Variants in KALRN observed in about 807,000 individuals in gnomAD.
The protein encoded by KALRN is kalirin RhoGEF kinase, also known as kalirin.
A neutral mutation model predicts 353.7 loss-of-function variants in KALRN; 70 were observed. The ratio of observed to expected loss-of-function variants is 0.20; its 90% CI spans 0.16 to 0.24. The LOEUF is 0.24. KALRN is among the 10% of genes least tolerant of loss of function. KALRN has a pLI of 1.00. For missense variants in KALRN, 2,791 were observed against 3,756.7 expected (o/e 0.74, Z 6.72); for synonymous variants, 1,391 against 1,434.8 (o/e 0.97, Z 0.69).
At chr3:124,309,261 A>G (rs938524097) in intron 6 of KALRN, among the ~76,000 whole-genome samples, 2 of 152,122 alleles carry the variant, frequency 1.3e-5, no homozygotes, top group African/African-American at 4.8e-5. Flanking sequence ...TTAAAAAAAA[A>G]AAGATGAGGG....
intron 12 of KALRN, among the ~76,000 whole-genome samples, chr3:124,396,784 C>T (rs1323136374): frequency 6.6e-6 from 1 of 152,208 alleles, no homozygotes; most frequent in African/African-American, 2.4e-5. Flanking sequence ...GTGGGTGATG[C>T]CTGCTCTGCA....
At chr3:124,474,551 G>A in intron 25 of KALRN, 112 bp from the exon 26 acceptor site, 2 of 802,342 alleles carry the variant, frequency 2.5e-6, no homozygotes, top group South Asian at 1.5e-5. Flanking sequence ...TTAGACAGTA[G>A]AGAAGCCATG....
chr3:124,078,481 G>A (rs894577750), intron 1 of KALRN, among the ~76,000 whole-genome samples: 1 of 152,128 alleles, frequency 6.6e-6, no homozygotes, highest in Non-Finnish European at 1.5e-5. Flanking sequence ...CGTGTAATGG[G>A]GAAACAGGCT....
chr3:124,156,365 A>G (rs1284230047), intron 1 of KALRN, among the ~76,000 whole-genome samples: 5 of 152,212 alleles, frequency 3.3e-5, no homozygotes, highest in Non-Finnish European at 7.3e-5. Context: ...CTCAACATCT[A>G]TTCCCAGTCC....
At chr3:124,579,481 C>T (rs1056797632) in intron 34 of KALRN, among the ~76,000 whole-genome samples, 3 of 152,080 alleles carry the variant, frequency 2.0e-5, no homozygotes, top group African/African-American at 7.2e-5. Context: ...GAGCTTTTAG[C>T]CTGAACTTTG....
At chr3:124,466,677 A>G (rs1475495600) in intron 25 of KALRN, among the ~76,000 whole-genome samples, 1 of 152,172 alleles carries the variant, frequency 6.6e-6, no homozygotes, top group Admixed American at 6.5e-5. Flanking sequence ...CATCAAGTAC[A>G]ACCCTCTCCA....
chr3:124,132,127 T>C (rs182602927), intron 1 of KALRN, among the ~76,000 whole-genome samples: 33 of 152,336 alleles, frequency 2.2e-4, no homozygotes, highest in Non-Finnish European at 1.9e-4. Flanking sequence ...ATATCCATTA[T>C]TCTGGAATAT....
chr3:124,311,250 A>G (rs1005645909), intron 6 of KALRN, among the ~76,000 whole-genome samples: 7 of 151,808 alleles, frequency 4.6e-5, no homozygotes, highest in African/African-American at 1.7e-4. Context: ...ACTGGAGGTC[A>G]GGAGTTCGAG....
At chr3:124,089,672 A>G (rs1369116879) in intron 1 of KALRN, among the ~76,000 whole-genome samples, 1 of 151,856 alleles carries the variant, frequency 6.6e-6, no homozygotes, top group Non-Finnish European at 1.5e-5. Context: ...TTCCTTTGCA[A>G]TGTAGGTGCC....
At chr3:124,387,183 C>T (rs1366047233) in intron 11 of KALRN, among the ~76,000 whole-genome samples, 1 of 152,276 alleles carries the variant, frequency 6.6e-6, no homozygotes, top group East Asian at 1.9e-4. Flanking sequence ...CAGGAATAGT[C>T]AGGAAGTTAT....
chr3:124,657,019 T>C (rs971231688), intron 39 of KALRN, among the ~76,000 whole-genome samples: 1 of 152,208 alleles, frequency 6.6e-6, no homozygotes, highest in African/African-American at 2.4e-5. Context: ...ATGGGGATAA[T>C]GCTACCTGTC....
intron 33 of KALRN, among the ~76,000 whole-genome samples, chr3:124,515,057 T>A (rs927525162): frequency 6.6e-6 from 1 of 152,264 alleles, no homozygotes; most frequent in African/African-American, 2.4e-5. Context: ...CGACTGAAGA[T>A]GCATTTGAAA....
intron 33 of KALRN, among the ~76,000 whole-genome samples, chr3:124,543,187 T>TC (rs749472333): frequency 2.0e-5 from 3 of 151,990 alleles, no homozygotes; most frequent in Non-Finnish European, 4.4e-5. Context: ...CATCAACACT[T>TC]CCGTCATATT....
chr3:124,702,145 T>C lies in KALRN; in HGVS notation c.8075+29T>C, dbSNP rs758323234. 5.0e-6 allele frequency: 7 copies of C among 1,401,642 alleles called. No individual in the cohort carries two copies. The South Asian group carries it at 8.1e-5, about 16-fold the overall frequency. 86.8% of individuals were successfully genotyped at this position (1,401,642 alleles called of 1,614,324 possible). A position where few individuals can be genotyped will look rare whatever the true frequency, so the allele number is the denominator to read the frequency against. On this transcript the variant is annotated intron_variant, in intron 57 of 59. Transcript: ENST00000682506. ...ATGACACAGTTTTATATTCCTTCATTCATGAACACCTAGCAACATCACATC... is the reference window on the plus strand; with the variant it reads ...ATGACACAGTTTTATATTCCTTCATCCATGAACACCTAGCAACATCACATC...
chr3:124,129,581 C>G (rs2065056852), intron 1 of KALRN, among the ~76,000 whole-genome samples: 1 of 152,082 alleles, frequency 6.6e-6, no homozygotes, highest in Non-Finnish European at 1.5e-5. Context: ...GACAATGGCA[C>G]CAAGAGGCAA....
intron 3 of KALRN, among the ~76,000 whole-genome samples, chr3:124,241,351 A>G (rs1414355245): frequency 2.0e-5 from 3 of 152,228 alleles, no homozygotes; most frequent in Admixed American, 6.5e-5. Flanking sequence ...AACAACATGG[A>G]TGAATCTTTA....
rs771863395 is a variant in KALRN, at chr3:124,491,295, G to A, written c.4588-28G>A. The A allele has an allele frequency of 3.7e-5, 38 of 1,038,648 alleles. 1 individual carries two copies. Among genetic ancestry groups the A allele is most frequent in the Admixed American group, 3.6e-4 (15 of 41,414 alleles). The allele number at this position is 1,038,648 out of a possible 1,614,324, so 64.3% of individuals were successfully genotyped here. ...TTTCCCCACTGCCCTCCCCTTCCCC[G>A]CCTCTCATAGGCATTTCCTGTCTAC... On this transcript the variant is annotated intron_variant, in intron 30 of 59. Coordinates refer to ENST00000682506, the MANE Select transcript of KALRN (RefSeq NM_001388419.1).
intron 1 of KALRN, among the ~76,000 whole-genome samples, chr3:124,216,632 T>C (rs951906316): frequency 1.3e-5 from 2 of 152,228 alleles, no homozygotes. Flanking sequence ...TTACCCAGTC[T>C]ACCCTCCAGA....
At chr3:124,452,641 T>C (rs1323925576) in intron 21 of KALRN, among the ~76,000 whole-genome samples, 1 of 152,070 alleles carries the variant, frequency 6.6e-6, no homozygotes, top group Non-Finnish European at 1.5e-5. Flanking sequence ...TGAAGAGCAG[T>C]GGAGACAGGG....
Sources: allele counts gnomAD v4.1 joint callset (sites outside exome capture counted in the v4.1 genomes callset), GRCh38; gene constraint gnomAD v4.1.1; transcripts MANE v1.5; gene names NCBI Gene and HGNC (gene_info 2026-07-23, HGNC 2026-07-21).